ASCL2: variants seen among roughly 807,000 people sequenced by gnomAD.
The protein encoded by ASCL2 is achaete-scute homolog 2.
Under a neutral mutation model 5.1 loss-of-function variants are expected in ASCL2, and 6 were observed. That is an observed-to-expected ratio of 1.17 (90% CI 0.64 to 2.31). The LOEUF (loss-of-function observed/expected upper bound fraction) is 2.31, where lower values mean the gene tolerates loss of function less well. ASCL2 is among the 30% of genes most tolerant of loss of function. The pLI is 0.00. For synonymous variants in ASCL2, 174 were observed against 157.3 expected (o/e 1.11, Z -0.80); for missense variants, 320 against 310.3 (o/e 1.03, Z -0.23).
chr11:2,270,377 G>A lies in ASCL2; in HGVS notation c.-45C>T. 7.9e-7 allele frequency: 1 copy of A among 1,269,004 alleles called. No individual in the cohort carries two copies. Among genetic ancestry groups the A allele is most frequent in the Non-Finnish European group, 9.9e-7 (1 of 1,008,282 alleles). 78.6% of individuals were successfully genotyped at this position (1,269,004 alleles called of 1,614,324 possible). A position where few individuals can be genotyped will look rare whatever the true frequency, so the allele number is the denominator to read the frequency against. Reference sequence around the variant, plus strand: ...CCGCTCCAGGTCCCGGCGCGCCGCAGGAAGGTGCAGGCAGAGGAACCGGAG... The same window carrying A: ...CCGCTCCAGGTCCCGGCGCGCCGCAAGAAGGTGCAGGCAGAGGAACCGGAG... On this transcript the variant is annotated 5_prime_UTR_variant, in exon 1 of 2. Coordinates refer to ENST00000331289, the MANE Select transcript of ASCL2 (RefSeq NM_005170.3).
intron 1 of ASCL2, among the ~76,000 whole-genome samples, chr11:2,269,438 C>A (rs1847222610): frequency 6.6e-6 from 1 of 152,088 alleles, no homozygotes; most frequent in East Asian, 1.9e-4. Flanking sequence ...GCCCCAGGAT[C>A]CGCCAGCACT....
At chr11:2,269,287 G>T (rs1256070638) in intron 1 of ASCL2, among the ~76,000 whole-genome samples, 161 bp from the exon 2 acceptor site, 1 of 152,046 alleles carries the variant, frequency 6.6e-6, no homozygotes, top group African/African-American at 2.4e-5. Context: ...GCCGCGACTC[G>T]GTCTGAGACA....
In ASCL2 at chr11:2,270,088, G is replaced by C; in HGVS notation, c.245C>G (p.Ala82Gly). The change falls in exon 1 of 2, where the codon GCC (alanine) becomes GGC (glycine). Residue 82 changes from alanine (A) to glycine (G), a missense_variant. Transcript: ENST00000331289. ...CTCCACCTTGCTCAGCTTCTTGCTG[G>C]CGCCGCCGTGCGGCACGTGCTGCCG... is the stretch of plus-strand genomic sequence containing the variant. ...ALRQHVPHGG[A>G]SKKLSKVETL... 1 of 1,498,716 alleles carries C rather than the reference G, an allele frequency of 6.7e-7. No individual in the cohort carries two copies. The highest frequency in any genetic ancestry group is 8.9e-7 in the Non-Finnish European group (1 of 1,128,318). The allele number at this position is 1,498,716 out of a possible 1,614,324, so 92.8% of individuals were successfully genotyped here.
intron 1 of ASCL2, 134 bp from the exon 2 acceptor site, chr11:2,269,260 G>A (rs1178392967): frequency 6.6e-6 from 1 of 152,172 alleles, no homozygotes; most frequent in Non-Finnish European, 1.5e-5. Context: ...TGGTTTTGGA[G>A]TCTTGAGTCC....
In ASCL2 at chr11:2,268,937, T is replaced by C. The variant is rs978584861; in HGVS notation, c.*208A>G. ...CGTCGGAGGAAGCCGCCAGCCCTTA[T>C]GGGGCCAGCTCCAAGCCCGTTTCCA... On this transcript the variant is annotated 3_prime_UTR_variant, in exon 2 of 2. Transcript: ENST00000331289. This position sits in a 1 kb window ranked among gnomAD's most constrained non-coding sequence, Gnocchi z 4.5. 8.2e-5 allele frequency: 11 copies of C among 134,764 alleles called. No individual in the cohort carries two copies. Among genetic ancestry groups the C allele is most frequent in the Non-Finnish European group, 1.5e-4 (10 of 64,726 alleles). The allele number at this position is 134,764 out of a possible 1,614,324, so 8.3% of individuals were successfully genotyped here.
rs1247782495 is a variant in ASCL2 at position 2,269,907 on chromosome 11, C to A, written c.426G>T (p.Ser142=). 3 of 1,293,098 alleles carry A rather than the reference C, an allele frequency of 2.3e-6. No homozygotes were observed. Among genetic ancestry groups the A allele is most frequent in the Non-Finnish European group, 3.0e-6 (3 of 1,015,704 alleles). The allele number at this position is 1,293,098 out of a possible 1,614,324, so 80.1% of individuals were successfully genotyped here. The change falls in exon 1 of 2, where the codon TCG becomes TCT. Residue 142 remains serine (S), a synonymous_variant. Transcript: ENST00000331289. ...CCGGGGACGAAGAAGCGCGGGAGGGCGAGGCGGCGACCGGGGTGGTCCCTG... is the reference window on the plus strand; with the variant it reads ...CCGGGGACGAAGAAGCGCGGGAGGGAGAGGCGGCGACCGGGGTGGTCCCTG... ...GPPGTTPVAA[S]PSRASSSPGR...
chr11:2,269,934 C>T lies in ASCL2; in HGVS notation c.399G>A (p.Pro133=). ...QAVRPSAPRG[P]PGTTPVAASP... is the part of the protein sequence containing the mutation. ...AGGCGGCGACCGGGGTGGTCCCTGG[C>T]GGCCCGCGGGGCGCAGACGGCCGCA... The change falls in exon 1 of 2, where the codon CCG becomes CCA. Residue 133 remains proline, a synonymous_variant. Transcript: ENST00000331289. 1.6e-6 allele frequency: 2 copies of T among 1,280,552 alleles called. No homozygotes were observed. The highest frequency in any genetic ancestry group is 2.0e-6 in the Non-Finnish European group (2 of 1,010,876). 79.3% of individuals were successfully genotyped at this position (1,280,552 alleles called of 1,614,324 possible).
chr11:2,269,785 AG>A lies in ASCL2; in HGVS notation c.547del (p.Leu183TyrfsTer8). 6.9e-7 allele frequency: 1 copy of A among 1,452,644 alleles called. No individual in the cohort carries two copies. Among genetic ancestry groups the A allele is most frequent in the Non-Finnish European group, 9.1e-7 (1 of 1,097,650 alleles). The allele number at this position is 1,452,644 out of a possible 1,614,324, so 90.0% of individuals were successfully genotyped here. On this transcript the variant is annotated frameshift_variant, in exon 1 of 2. Coordinates refer to ENST00000331289, the MANE Select transcript of ASCL2 (RefSeq NM_005170.3). LOFTEE classifies it low-confidence loss of function (END_TRUNC). ...CCCTAACCAGCTGGAGAAGTCGAGT[AG>A]CTCGCGCTCCGCAGGACTCAGCGCG... ...EGALSPAERE[L>X]LDFSSWLGGY
chr11:2,270,456 GC>G lies in ASCL2; in HGVS notation c.-125del. 8.0e-7 allele frequency: 1 copy of G among 1,254,550 alleles called. No individual in the cohort carries two copies. Among genetic ancestry groups the G allele is most frequent in the East Asian group, 3.2e-5 (1 of 30,802 alleles). The allele number at this position is 1,254,550 out of a possible 1,614,324, so 77.7% of individuals were successfully genotyped here. On this transcript the variant is annotated 5_prime_UTR_variant, in exon 1 of 2. Transcript: ENST00000331289. ...GGGGCTTCTGGCACGGCGCCGCCAGGCAACTCCCCAGGGCACGCGTCCTAGG... is the reference window on the plus strand; with the variant it reads ...GGGGCTTCTGGCACGGCGCCGCCAGGAACTCCCCAGGGCACGCGTCCTAGG...
chr11:2,268,905 G>A lies in ASCL2; in HGVS notation c.*240C>T, dbSNP rs1164745370. 1.3e-5 allele frequency: 2 copies of A among 152,178 alleles called. No homozygotes were observed. Among genetic ancestry groups the A allele is most frequent in the Non-Finnish European group, 2.9e-5 (2 of 68,050 alleles). 9.4% of individuals were successfully genotyped at this position (152,178 alleles called of 1,614,324 possible). ...CACTGCAGTCGAGAAGCTGTGGGGA[G>A]GGGCGGCGTCGGAGGAAGCCGCCAG... On this transcript the variant is annotated 3_prime_UTR_variant, in exon 2 of 2. Coordinates refer to ENST00000331289, the MANE Select transcript of ASCL2 (RefSeq NM_005170.3). This position sits in a 1 kb window ranked among gnomAD's most constrained non-coding sequence, Gnocchi z 4.5.
chr11:2,269,953 G>T lies in ASCL2; in HGVS notation c.380C>A (p.Pro127Gln). ...CCCTGGCGGCCCGCGGGGCGCAGAC[G>T]GCCGCACGGCCTGCGGCCTCAGCCC... Reference protein sequence around the residue: ...AGGLRPQAVRPSAPRGPPGTT... With the variant: ...AGGLRPQAVRQSAPRGPPGTT... The change falls in exon 1 of 2, where the codon CCG becomes CAG. Residue 127 changes from proline (P) to glutamine (Q), a missense_variant. By Grantham distance (76) the Pro-to-Gln change is moderately conservative. Transcript: ENST00000331289. 1 of 1,285,520 alleles carries T rather than the reference G, an allele frequency of 7.8e-7. No homozygotes were observed. The highest frequency in any genetic ancestry group is 2.6e-5 in the South Asian group (1 of 38,580). 79.6% of individuals were successfully genotyped at this position (1,285,520 alleles called of 1,614,324 possible). A position where few individuals can be genotyped will look rare whatever the true frequency, so the allele number is the denominator to read the frequency against.
In ASCL2 at chr11:2,269,833, G is replaced by A. The variant is rs1000096186; in HGVS notation, c.500C>T (p.Ser167Leu). The A allele has an allele frequency of 3.6e-6, 5 of 1,404,804 alleles. No homozygotes were observed. Among genetic ancestry groups the A allele is most frequent in the Non-Finnish European group, 3.7e-6 (4 of 1,075,766 alleles). 87.0% of individuals were successfully genotyped at this position (1,404,804 alleles called of 1,614,324 possible). The change falls in exon 1 of 2, where the codon TCG becomes TTG. Residue 167 changes from serine to leucine, a missense_variant. By Grantham distance (145) the Ser-to-Leu change is moderately radical. Coordinates refer to ENST00000331289, the MANE Select transcript of ASCL2 (RefSeq NM_005170.3). Reference sequence around the variant, plus strand: ...CGCGCCTTCGCAGCCGCTGTCGTCCGACGAGTAGGCGGAACGCGGGGAGCC... The same window carrying A: ...CGCGCCTTCGCAGCCGCTGTCGTCCAACGAGTAGGCGGAACGCGGGGAGCC... ...EPGSPRSAYS[S>L]DDSGCEGALS...
chr11:2,269,680 G>GGCCCCCC, intron 1 of ASCL2, 53 bp downstream of exon 1: 1 of 380,050 alleles, frequency 2.6e-6, no homozygotes, highest in Non-Finnish European at 4.1e-6. Flanking sequence ...TGCCCACCCC[G>GGCCCCCC]TCCCTCCACC....
Position 2,270,542 on chromosome 11 carries a change from T to A in ASCL2, c.-210A>T. On this transcript the variant is annotated 5_prime_UTR_variant, in exon 1 of 2. Transcript: ENST00000331289. ...GGCAGGCCGTACGCGCCAGGGAGCG[T>A]GGGACGCTCGTGTCCCGCGCGTGCG... 2 of 961,340 alleles carry A rather than the reference T, an allele frequency of 2.1e-6. No individual in the cohort carries two copies. Among genetic ancestry groups the A allele is most frequent in the Non-Finnish European group, 2.7e-6 (2 of 731,176 alleles). The allele number at this position is 961,340 out of a possible 1,614,324, so 59.6% of individuals were successfully genotyped here.
chr11:2,269,600 C>A (rs959431646), intron 1 of ASCL2, 133 bp downstream of exon 1: 5 of 783,634 alleles, frequency 6.4e-6, no homozygotes, highest in Non-Finnish European at 8.8e-6. Flanking sequence ...GAAGAGTGAG[C>A]GAAATCGAAG....
Position 2,270,093 on chromosome 11 carries a change from G to A in ASCL2, c.240C>T (p.Gly80=). 6.7e-7 allele frequency: 1 copy of A among 1,502,126 alleles called. No individual in the cohort carries two copies. 93.0% of individuals were successfully genotyped at this position (1,502,126 alleles called of 1,614,324 possible). The change falls in exon 1 of 2, where the codon GGC becomes GGT. Residue 80 remains glycine (G), a synonymous_variant. Transcript: ENST00000331289. ...FQALRQHVPH[G]GASKKLSKVE... ...CCTTGCTCAGCTTCTTGCTGGCGCC[G>A]CCGTGCGGCACGTGCTGCCGCAGCG...
Position 2,269,843 on chromosome 11 carries a change from C to T in ASCL2, c.490G>A (p.Ala164Thr). 1.4e-6 allele frequency: 2 copies of T among 1,390,112 alleles called. No homozygotes were observed. Among genetic ancestry groups the T allele is most frequent in the Non-Finnish European group, 1.9e-6 (2 of 1,068,486 alleles). 86.1% of individuals were successfully genotyped at this position (1,390,112 alleles called of 1,614,324 possible). A position where few individuals can be genotyped will look rare whatever the true frequency, so the allele number is the denominator to read the frequency against. The change falls in exon 1 of 2, where the codon GCC becomes ACC. Residue 164 changes from alanine to threonine, a missense_variant. Physicochemically the swap from Ala to Thr is moderately conservative, Grantham distance 58 (BLOSUM62 0). Coordinates refer to ENST00000331289, the MANE Select transcript of ASCL2 (RefSeq NM_005170.3). ...CAGCCGCTGTCGTCCGACGAGTAGG[C>T]GGAACGCGGGGAGCCGGGCTCCGAG... ...GSSEPGSPRS[A>T]YSSDDSGCEG...
intron 1 of ASCL2, 45 bp from the exon 2 acceptor site, chr11:2,269,171 C>G (rs972075997): frequency 2.6e-5 from 4 of 151,998 alleles, no homozygotes; most frequent in African/African-American, 9.7e-5. Context: ...AACGCGGGCG[C>G]GGGCCCGGGG....
chr11:2,269,350 C>T (rs1478115745), intron 1 of ASCL2, among the ~76,000 whole-genome samples: 1 of 151,838 alleles, frequency 6.6e-6, no homozygotes, highest in Non-Finnish European at 1.5e-5. Context: ...GCTCCGCGCC[C>T]GCCGACTCAT....
Sources: gnomAD v4.1 joint callset for allele counts (sites outside exome capture counted in the v4.1 genomes callset) on GRCh38, gnomAD v4.1.1 for gene constraint, Gnocchi (gnomAD v3.1) non-coding constraint, MANE v1.5 for transcripts, NCBI Gene and HGNC (gene_info 2026-07-23, HGNC 2026-07-21) for gene names.